The following PTPRT variants were observed in gnomAD, a reference collection of about 807,000 sequenced individuals.
The protein encoded by PTPRT is protein tyrosine phosphatase receptor type T, also known as receptor-type tyrosine-protein phosphatase T.
In PTPRT, 56 loss-of-function variants were observed where a neutral mutation model predicts 176.8. That is an observed-to-expected ratio of 0.32 (90% confidence interval 0.26 to 0.40). The LOEUF (loss-of-function observed/expected upper bound fraction) is 0.40, where lower values mean the gene tolerates loss of function less well. PTPRT is among the 10% of genes least tolerant of loss of function. The pLI, the probability that PTPRT is intolerant of heterozygous loss-of-function variation, is 1.00. For synonymous variants in PTPRT, 783 were observed against 739.0 expected (o/e 1.06, Z -0.96); for missense variants, 1,540 against 1,908.2 (o/e 0.81, Z 3.60).
At chr20:42,139,764 G>A (rs555093715) in intron 18 of PTPRT, among the ~76,000 whole-genome samples, 12 of 152,352 alleles carry the variant, frequency 7.9e-5, no homozygotes, top group South Asian at 2.1e-4. Flanking sequence ...AGGGTACAGT[G>A]TCCACAGTGC....
At chr20:42,674,319 A>G (rs772115542) in intron 7 of PTPRT, among the ~76,000 whole-genome samples, 11 of 152,194 alleles carry the variant, frequency 7.2e-5, no homozygotes, top group Non-Finnish European at 1.5e-4. Context: ...TTGCATTCCA[A>G]CTCATAATTT....
At position 43,097,284 on chromosome 20, in the gene PTPRT, G is replaced by A. The variant is rs569237294; in HGVS notation, c.88+92362C>T. 6.6e-5 allele frequency among the ~76,000 whole-genome samples: 10 copies of A among 152,128 alleles called. No homozygotes were observed. In the East Asian group the frequency reaches 7.7e-4, roughly 12 times the overall value. On this transcript the variant is annotated intron_variant, in intron 1 of 30. Coordinates refer to ENST00000373187, the MANE Select transcript of PTPRT (RefSeq NM_007050.6). ...TGGGCAGTGTAATCTCAGGAAGGTC[G>A]CCTAACCTCCCTAACCCTCTTTTTC...
At chr20:42,500,123 T>G (rs182441042) in intron 7 of PTPRT, among the ~76,000 whole-genome samples, 128 of 152,204 alleles carry the variant, frequency 8.4e-4, no homozygotes, top group African/African-American at 2.8e-3. Context: ...TTCTAGGTCT[T>G]ACACATTTTT....
intron 2 of PTPRT, among the ~76,000 whole-genome samples, chr20:42,870,870 C>A (rs1229114360): frequency 1.3e-5 from 2 of 152,074 alleles, no homozygotes; most frequent in East Asian, 3.9e-4. Flanking sequence ...ATAGTGGCCA[C>A]CCTAATGGGT....
At position 42,442,966 on chromosome 20, in the gene PTPRT, C is replaced by G. The variant is rs142919125; in HGVS notation, c.1560+5254G>C. Among the ~76,000 whole-genome samples the G allele has an allele frequency of 5.2e-3, 793 of 152,258 alleles. 5 individuals carry two copies. The highest frequency in any genetic ancestry group is 0.018 in the African/African-American group (761 of 41,558). On this transcript the variant is annotated intron_variant, in intron 9 of 30. Transcript: ENST00000373187. ...AGTCAGAATGAGAGAGGCCACACCA[C>G]CCTTCTGCACATCCACACCCTGATT...
chr20:42,261,540 C>T (rs559322071), intron 13 of PTPRT, among the ~76,000 whole-genome samples: 2 of 152,058 alleles, frequency 1.3e-5, no homozygotes, highest in Non-Finnish European at 2.9e-5. Context: ...CAAGCAGGAG[C>T]GGGAGCTCAG....
intron 1 of PTPRT, among the ~76,000 whole-genome samples, chr20:42,947,613 T>C (rs1435504106): frequency 2.0e-5 from 3 of 152,194 alleles, no homozygotes; most frequent in African/African-American, 4.8e-5. Flanking sequence ...CTCACTTTCA[T>C]ATTACAGTAA....
chr20:42,744,155 G>A (rs974973840), intron 6 of PTPRT, among the ~76,000 whole-genome samples: 5 of 152,166 alleles, frequency 3.3e-5, no homozygotes, highest in South Asian at 2.1e-4. Context: ...CCAGTCCTCC[G>A]ACTCCTAGTG....
chr20:42,596,643 C>A (rs924082706), intron 7 of PTPRT, among the ~76,000 whole-genome samples: 23 of 152,144 alleles, frequency 1.5e-4, no homozygotes, highest in Non-Finnish European at 3.1e-4. Context: ...AGAACTCTCA[C>A]AAATCAGTAA....
intron 6 of PTPRT, among the ~76,000 whole-genome samples, chr20:42,692,893 C>T (rs995474670): frequency 6.6e-6 from 1 of 151,928 alleles, no homozygotes; most frequent in Non-Finnish European, 1.5e-5. Context: ...TAATGGTGAC[C>T]TCTAGGGGAA....
At chr20:43,102,029 G>A (rs2012408586) in intron 1 of PTPRT, among the ~76,000 whole-genome samples, 1 of 152,230 alleles carries the variant, frequency 6.6e-6, no homozygotes, top group Non-Finnish European at 1.5e-5. Context: ...GTCCTTACAT[G>A]GCAGAAGGGA....
intron 7 of PTPRT, among the ~76,000 whole-genome samples, chr20:42,562,723 A>G (rs901587362): frequency 9.2e-5 from 14 of 152,142 alleles, no homozygotes; most frequent in African/African-American, 3.1e-4. Context: ...CAGGTTCTAC[A>G]TGGAGTCCAT....
At chr20:42,786,786 T>G (rs1346313800) in intron 3 of PTPRT, among the ~76,000 whole-genome samples, 5 of 152,222 alleles carry the variant, frequency 3.3e-5, no homozygotes, top group African/African-American at 1.2e-4. Context: ...GCCCATGAGC[T>G]TTTAGAGATA....
At chr20:42,551,428 T>C (rs1315301357) in intron 7 of PTPRT, among the ~76,000 whole-genome samples, 1 of 152,196 alleles carries the variant, frequency 6.6e-6, no homozygotes, top group African/African-American at 2.4e-5. Context: ...CATTAATTAG[T>C]CTAAATTTGC....
chr20:42,564,782 G>T (rs2073011644), intron 7 of PTPRT, among the ~76,000 whole-genome samples: 1 of 152,062 alleles, frequency 6.6e-6, no homozygotes, highest in African/African-American at 2.4e-5. Flanking sequence ...TACAAATAAA[G>T]AAATACAGTA....
At chr20:42,780,146 A>G (rs545570914) in intron 4 of PTPRT, 72 bp downstream of exon 4, 41 of 1,183,234 alleles carry the variant, frequency 3.5e-5, no homozygotes, top group Non-Finnish European at 4.7e-5. Context: ...AATGAATGGA[A>G]GGGATTGCAG....
chr20:42,244,941 G>A (rs1161672612), intron 14 of PTPRT, among the ~76,000 whole-genome samples: 2 of 152,210 alleles, frequency 1.3e-5, no homozygotes, highest in East Asian at 1.9e-4. Flanking sequence ...TGCTGGTTTT[G>A]GAGGAGTGGG....
At chr20:42,751,445 T>C (rs1007813448) in intron 6 of PTPRT, among the ~76,000 whole-genome samples, 1 of 152,116 alleles carries the variant, frequency 6.6e-6, no homozygotes, top group African/African-American at 2.4e-5. Flanking sequence ...CAGGGACTTG[T>C]GATGGTTAAT....
intron 13 of PTPRT, among the ~76,000 whole-genome samples, chr20:42,280,594 A>T (rs1236868044): frequency 6.6e-6 from 1 of 152,164 alleles, no homozygotes; most frequent in Admixed American, 6.5e-5. Context: ...ACCTGCATAC[A>T]CACTCCATTC....
Sources: gnomAD v4.1 joint callset for allele counts (sites outside exome capture counted in the v4.1 genomes callset) on GRCh38, gnomAD v4.1.1 for gene constraint, MANE v1.5 for transcripts, NCBI Gene and HGNC (gene_info 2026-07-23, HGNC 2026-07-21) for gene names.